NUDT4: variants seen among roughly 807,000 people sequenced by gnomAD.
NUDT4 encodes the protein diphosphoinositol polyphosphate phosphohydrolase 2.
A neutral mutation model predicts 23.1 loss-of-function variants in NUDT4; 5 were observed. The observed-to-expected ratio is 0.22, with a 90% CI of 0.11 to 0.46. The LOEUF (loss-of-function observed/expected upper bound fraction) is 0.46. Ranked by LOEUF, NUDT4 falls within the 20% of genes least tolerant of loss-of-function variation. The pLI, the probability that NUDT4 is intolerant of heterozygous loss-of-function variation, is 0.99. For missense variants in NUDT4, 96 were observed against 211.6 expected (o/e 0.45, Z 3.39); for synonymous variants, 50 against 79.0 (o/e 0.63, Z 1.95).
intron 1 of NUDT4, among the ~76,000 whole-genome samples, chr12:93,381,587 C>A (rs1172377970): frequency 6.6e-6 from 1 of 152,144 alleles, no homozygotes; most frequent in Non-Finnish European, 1.5e-5. Flanking sequence ...GTCGGGTATT[C>A]TGGGGTTCAG....
chr12:93,382,674 C>CTCTTTTTTTTTT, intron 1 of NUDT4, among the ~76,000 whole-genome samples: 1 of 111,646 alleles, frequency 9.0e-6, no homozygotes, highest in Middle Eastern at 4.6e-3. Context: ...CAAAGGTAGC[C>CTCTTTTTTTTTT]TTTTTTTTTT....
Position 93,394,480 on chromosome 12 carries a change from CT to C in NUDT4, c.100-128del, listed in dbSNP as rs1876786284. ...ATTTTTGTGGTGTAATGCGTACCCC[CT>C]AATTTTAATTAAATTTTAAAATATT... On this transcript the variant is annotated intron_variant, in intron 1 of 4. Coordinates refer to ENST00000415493, the MANE Select transcript of NUDT4 (RefSeq NM_019094.6). 1.1e-5 allele frequency: 6 copies of C among 527,062 alleles called. No individual in the cohort carries two copies. In the Admixed American group the frequency reaches 1.3e-4, roughly 11 times the overall value. The allele number at this position is 527,062 out of a possible 1,614,324, so 32.6% of individuals were successfully genotyped here. A position where few individuals can be genotyped will look rare whatever the true frequency, so the allele number is the denominator to read the frequency against.
chr12:93,396,542 C>T (rs1034369117), intron 3 of NUDT4, among the ~76,000 whole-genome samples: 1 of 152,028 alleles, frequency 6.6e-6, no homozygotes, highest in Non-Finnish European at 1.5e-5. Flanking sequence ...TATTTTTAAG[C>T]CTTAGGAATT....
chr12:93,387,898 A>G (rs552590104), intron 1 of NUDT4, among the ~76,000 whole-genome samples: 3 of 152,060 alleles, frequency 2.0e-5, no homozygotes, highest in East Asian at 3.9e-4. Flanking sequence ...CATCCAGTCT[A>G]TTCTCTTATC....
rs1877679783 is a variant in NUDT4, at chr12:93,404,357, G to A, written c.*4978G>A. On this transcript the variant is annotated 3_prime_UTR_variant, in exon 5 of 5. Transcript: ENST00000415493. ...ATATGGTGTAATATTACAGTCATTA[G>A]AAATGACATTTGCGTAAGGATCTGA... 1 of 152,198 alleles carries A rather than the reference G, an allele frequency of 6.6e-6. No individual in the cohort carries two copies. Among genetic ancestry groups the A allele is most frequent in the South Asian group, 2.1e-4 (1 of 4,832 alleles). 9.4% of individuals were successfully genotyped at this position (152,198 alleles called of 1,614,324 possible).
In NUDT4 at chr12:93,404,290, T is replaced by C. The variant is rs1489848234; in HGVS notation, c.*4911T>C. ...GTGAAAAGCCATTAAAATAAAATGCTCAGCAGCAAAGGATTTGTAATGGTT... is the reference window on the plus strand; with the variant it reads ...GTGAAAAGCCATTAAAATAAAATGCCCAGCAGCAAAGGATTTGTAATGGTT... On this transcript the variant is annotated 3_prime_UTR_variant, in exon 5 of 5. Transcript: ENST00000415493. 3 of 152,214 alleles carry C rather than the reference T, an allele frequency of 2.0e-5. No individual in the cohort carries two copies. Among genetic ancestry groups the C allele is most frequent in the African/African-American group, 7.2e-5 (3 of 41,448 alleles). 9.4% of individuals were successfully genotyped at this position (152,214 alleles called of 1,614,324 possible). A position where few individuals can be genotyped will look rare whatever the true frequency, so the allele number is the denominator to read the frequency against.
Position 93,405,422 on chromosome 12 carries a change from A to G in NUDT4, c.*6043A>G, listed in dbSNP as rs980332474. The G allele has an allele frequency of 6.6e-6, 1 of 152,204 alleles. No homozygotes were observed. The highest frequency in any genetic ancestry group is 1.5e-5 in the Non-Finnish European group (1 of 68,024). 9.4% of individuals were successfully genotyped at this position (152,204 alleles called of 1,614,324 possible). On this transcript the variant is annotated 3_prime_UTR_variant, in exon 5 of 5. Coordinates refer to ENST00000415493, the MANE Select transcript of NUDT4 (RefSeq NM_019094.6). ...CTATGTTCATACACTTACCAGTGCC[A>G]CCCAGCAGGGCCATACAAGACACAT...
intron 1 of NUDT4, among the ~76,000 whole-genome samples, chr12:93,391,972 T>G (rs1328699674): frequency 1.3e-5 from 2 of 149,624 alleles, no homozygotes; most frequent in Non-Finnish European, 3.0e-5. Context: ...CAACCTTCGC[T>G]TCCTGAATTC....
intron 3 of NUDT4, among the ~76,000 whole-genome samples, chr12:93,396,612 C>T (rs559855417): frequency 3.3e-5 from 5 of 152,212 alleles, no homozygotes; most frequent in African/African-American, 9.6e-5. Flanking sequence ...TACCGGAATA[C>T]AGTAATTAAG....
At chr12:93,395,370 G>A (rs1397529085) in intron 2 of NUDT4, 119 bp from the exon 3 acceptor site, 1 of 722,152 alleles carries the variant, frequency 1.4e-6, no homozygotes, top group African/African-American at 1.8e-5. Flanking sequence ...ATAGTGAGTT[G>A]GTATGGGGAG....
At chr12:93,391,962 CA>C (rs1876541460) in intron 1 of NUDT4, among the ~76,000 whole-genome samples, 1 of 152,070 alleles carries the variant, frequency 6.6e-6, no homozygotes, top group South Asian at 2.1e-4. Context: ...CGGCTCACTG[CA>C]ACCTTCGCTT....
chr12:93,380,989 T>G (rs1875620123), intron 1 of NUDT4: 1 of 152,234 alleles, frequency 6.6e-6, no homozygotes. Flanking sequence ...CCAAAAAAGC[T>G]ACGTGGCGCT....
At chr12:93,379,549 G>A (rs1875489807) in intron 1 of NUDT4, among the ~76,000 whole-genome samples, 1 of 152,104 alleles carries the variant, frequency 6.6e-6, no homozygotes, top group Non-Finnish European at 1.5e-5. Context: ...AAAAGTTCTC[G>A]AAATTTGCCC....
In NUDT4 at chr12:93,401,858, T is replaced by A. The variant is rs1261174586; in HGVS notation, c.*2479T>A. ...GTTAAATAGTTAACTCTGCTGAGTA[T>A]GACAAATAGTGTCTACTATCTCAAC... is the stretch of plus-strand genomic sequence containing the variant. On this transcript the variant is annotated 3_prime_UTR_variant, in exon 5 of 5. Transcript: ENST00000415493. 1.4e-5 allele frequency: 2 copies of A among 140,698 alleles called. No individual in the cohort carries two copies. Among genetic ancestry groups the A allele is most frequent in the East Asian group, 4.1e-4 (2 of 4,916 alleles). The allele number at this position is 140,698 out of a possible 1,614,324, so 8.7% of individuals were successfully genotyped here.
chr12:93,390,319 T>A (rs953929442), intron 1 of NUDT4, among the ~76,000 whole-genome samples: 3 of 152,208 alleles, frequency 2.0e-5, no homozygotes, highest in African/African-American at 7.2e-5. Context: ...CAGTAGTTGC[T>A]GTTTACTTTT....
rs1371704277 is a variant in NUDT4 at position 93,404,383 on chromosome 12, G to C, written c.*5004G>C. 2.0e-5 allele frequency: 3 copies of C among 152,220 alleles called. No individual in the cohort carries two copies. The highest frequency in any genetic ancestry group is 6.5e-5 in the Admixed American group (1 of 15,276). The allele number at this position is 152,220 out of a possible 1,614,324, so 9.4% of individuals were successfully genotyped here. A position where few individuals can be genotyped will look rare whatever the true frequency, so the allele number is the denominator to read the frequency against. ...AAATGACATTTGCGTAAGGATCTGA[G>C]TGGAAACTGATACAGCCTGTCGGAG... On this transcript the variant is annotated 3_prime_UTR_variant, in exon 5 of 5. Coordinates refer to ENST00000415493, the MANE Select transcript of NUDT4 (RefSeq NM_019094.6).
intron 1 of NUDT4, chr12:93,381,106 G>A (rs1217137854): frequency 6.6e-6 from 1 of 152,154 alleles, no homozygotes; most frequent in African/African-American, 2.4e-5. Context: ...TTTTAAGGTG[G>A]CTTTATATAT....
In NUDT4 at chr12:93,406,609, C is replaced by CA; in HGVS notation, c.*7236dup. ...ATTCAAACAACCAGACAAAATATTC[C>CA]AAAAAACATTGTGTCTGTAGTCAAC... On this transcript the variant is annotated 3_prime_UTR_variant, in exon 5 of 5. Coordinates refer to ENST00000415493, the MANE Select transcript of NUDT4 (RefSeq NM_019094.6). 1 of 152,054 alleles carries CA rather than the reference C, an allele frequency of 6.6e-6. No individual in the cohort carries two copies. The highest frequency in any genetic ancestry group is 1.9e-4 in the East Asian group (1 of 5,200). 9.4% of individuals were successfully genotyped at this position (152,054 alleles called of 1,614,324 possible).
chr12:93,382,781 A>C (rs2120863773), intron 1 of NUDT4, among the ~76,000 whole-genome samples: 1 of 145,954 alleles, frequency 6.9e-6, no homozygotes, highest in Middle Eastern at 3.6e-3. Flanking sequence ...GGTTCACGCC[A>C]TTCTCAAGTA....
Sources: gnomAD v4.1 joint callset for allele counts (sites outside exome capture counted in the v4.1 genomes callset) on GRCh38, gnomAD v4.1.1 for gene constraint, MANE v1.5 for transcripts, NCBI Gene and HGNC (gene_info 2026-07-23, HGNC 2026-07-21) for gene names.